The following CACNG2 variants were observed in gnomAD, a reference collection of about 807,000 sequenced individuals.
CACNG2 encodes the protein voltage-dependent calcium channel gamma-2 subunit.
In CACNG2, 3 loss-of-function variants were observed where a neutral mutation model predicts 25.9. The ratio of observed to expected loss-of-function variants is 0.12; its 90% CI spans 0.05 to 0.30. The LOEUF is 0.30. CACNG2 is among the 10% of genes least tolerant of loss of function. The pLI, the probability that CACNG2 is intolerant of heterozygous loss-of-function variation, is 1.00. For missense variants in CACNG2, 341 were observed against 432.5 expected, an observed-to-expected ratio of 0.79 and a Z score of 1.88; for synonymous variants, 167 against 173.3, an observed-to-expected ratio of 0.96 and a Z score of 0.29.
intron 1 of CACNG2, among the ~76,000 whole-genome samples, chr22:36,660,665 G>T (rs1270731165): frequency 6.6e-6 from 1 of 152,228 alleles, no homozygotes; most frequent in Non-Finnish European, 1.5e-5. Context: ...GGGGCAGCGT[G>T]TGCGCTTGGC....
chr22:36,579,201 T>C (rs1935372895), intron 2 of CACNG2, among the ~76,000 whole-genome samples: 1 of 152,014 alleles, frequency 6.6e-6, no homozygotes, highest in Non-Finnish European at 1.5e-5. Context: ...GGTCAGGAGT[T>C]TGAGACCAGC....
chr22:36,576,327 G>C (rs1221155204), intron 2 of CACNG2, among the ~76,000 whole-genome samples: 1 of 152,166 alleles, frequency 6.6e-6, no homozygotes, highest in South Asian at 2.1e-4. Flanking sequence ...GCTAACCTAC[G>C]AGGATGCAAA....
At chr22:36,688,380 T>TA (rs200203179) in intron 1 of CACNG2, among the ~76,000 whole-genome samples, 133 of 148,038 alleles carry the variant, frequency 9.0e-4, no homozygotes, top group East Asian at 6.3e-3. Flanking sequence ...TCCCATCTCT[T>TA]AAAAAAAAAA....
chr22:36,562,008 T>G lies in CACNG2; in HGVS notation c.*2343A>C, dbSNP rs1468952381. ...GGGGAAGCCCTGGTGGCAGAGCTCT[T>G]CTCCCAAGGAAGCCTCTTTAACTCT... On this transcript the variant is annotated 3_prime_UTR_variant, in exon 4 of 4. Coordinates refer to ENST00000300105, the MANE Select transcript of CACNG2 (RefSeq NM_006078.5). 1.3e-5 allele frequency: 2 copies of G among 152,178 alleles called. No individual in the cohort carries two copies. The highest frequency in any genetic ancestry group is 2.9e-5 in the Non-Finnish European group (2 of 68,070). 9.4% of individuals were successfully genotyped at this position (152,178 alleles called of 1,614,324 possible).
chr22:36,644,902 G>A (rs568094977), intron 1 of CACNG2, among the ~76,000 whole-genome samples: 11 of 152,084 alleles, frequency 7.2e-5, no homozygotes, highest in Non-Finnish European at 1.0e-4. Flanking sequence ...ACCTGGCAGA[G>A]TTACTTCATG....
chr22:36,675,908 C>G (rs1304966035), intron 1 of CACNG2, among the ~76,000 whole-genome samples: 1 of 152,232 alleles, frequency 6.6e-6, no homozygotes. Context: ...ACAGGCTCCA[C>G]CATGACAGCC....
At chr22:36,613,156 C>CTGTG (rs61572491) in intron 1 of CACNG2, among the ~76,000 whole-genome samples, 59 of 146,220 alleles carry the variant, frequency 4.0e-4, no homozygotes, top group Non-Finnish European at 5.6e-4. Context: ...TACAGGCTCT[C>CTGTG]TGTGTGTGTG....
chr22:36,617,178 G>A (rs574764630), intron 1 of CACNG2, among the ~76,000 whole-genome samples: 2 of 152,324 alleles, frequency 1.3e-5, no homozygotes, highest in South Asian at 2.1e-4. Flanking sequence ...ATTTCTCCAT[G>A]TTCCAGTCTT....
chr22:36,683,295 G>T (rs565177643), intron 1 of CACNG2, among the ~76,000 whole-genome samples: 1 of 152,320 alleles, frequency 6.6e-6, no homozygotes, highest in South Asian at 2.1e-4. Context: ...CTGGATCTCT[G>T]AAATAAACAC....
In CACNG2 at chr22:36,587,511, G is replaced by C; in HGVS notation, c.249C>G (p.Phe83Leu). Residue 83 changes from phenylalanine (F) to leucine (L), a missense_variant, in exon 2 of 4, where the codon TTC becomes TTG. Transcript: ENST00000300105. ...CAGCTTCGTAATCTGCATCCTCTGG[G>C]AAGTGATCAATTTGCTTGCACAGAC... The part of the protein sequence containing the change: ...FKGLCKQIDH[F>L]PEDADYEADT... The C allele has an allele frequency of 6.2e-7, 1 of 1,613,754 alleles. No homozygotes were observed. The highest frequency in any genetic ancestry group is 8.5e-7 in the Non-Finnish European group (1 of 1,179,622).
At chr22:36,695,394 A>G (rs1937324783) in intron 1 of CACNG2, among the ~76,000 whole-genome samples, 1 of 152,036 alleles carries the variant, frequency 6.6e-6, no homozygotes. Context: ...ACATAACAGA[A>G]CAGTACCCTT....
intron 2 of CACNG2, among the ~76,000 whole-genome samples, chr22:36,575,530 G>T (rs1935298396): frequency 6.6e-6 from 1 of 152,062 alleles, no homozygotes; most frequent in African/African-American, 2.4e-5. Context: ...GGTCAGTGGG[G>T]GTGGGGATGT....
At chr22:36,672,061 C>A (rs118014571) in intron 1 of CACNG2, among the ~76,000 whole-genome samples, 2 of 152,234 alleles carry the variant, frequency 1.3e-5, no homozygotes, top group East Asian at 3.9e-4. Context: ...CTCAGACCCA[C>A]GGCAAGAGGT....
chr22:36,568,737 T>G (rs1935173283), intron 2 of CACNG2, among the ~76,000 whole-genome samples: 1 of 152,182 alleles, frequency 6.6e-6, no homozygotes, highest in Non-Finnish European at 1.5e-5. Context: ...GTGAAAACTC[T>G]TCTTCTGTCC....
At chr22:36,655,930 C>T (rs1473398553) in intron 1 of CACNG2, among the ~76,000 whole-genome samples, 1 of 151,962 alleles carries the variant, frequency 6.6e-6, no homozygotes, top group Non-Finnish European at 1.5e-5. Context: ...GCCTCAGCCT[C>T]CTGAGTAGCT....
intron 2 of CACNG2, among the ~76,000 whole-genome samples, chr22:36,580,210 C>A (rs771256194): frequency 6.6e-6 from 1 of 152,148 alleles, no homozygotes; most frequent in African/African-American, 2.4e-5. Flanking sequence ...TTTGAAGCCC[C>A]GAGTGTGCCA....
intron 1 of CACNG2, among the ~76,000 whole-genome samples, chr22:36,701,326 G>A (rs553557910): frequency 6.6e-6 from 1 of 152,224 alleles, no homozygotes; most frequent in East Asian, 1.9e-4. Flanking sequence ...AAAGTCTGTT[G>A]CCAAATGCAG....
intron 1 of CACNG2, among the ~76,000 whole-genome samples, chr22:36,689,664 A>C (rs1937244162): frequency 6.6e-6 from 1 of 152,240 alleles, no homozygotes; most frequent in Non-Finnish European, 1.5e-5. Context: ...CCAAGGTAGA[A>C]ATGAGAAGTA....
Position 36,564,641 on chromosome 22 carries a change from T to C in CACNG2, c.682A>G (p.Ser228Gly). 1.2e-6 allele frequency: 2 copies of C among 1,613,822 alleles called. No individual in the cohort carries two copies. The highest frequency in any genetic ancestry group is 1.7e-6 in the Non-Finnish European group (2 of 1,179,944). The change falls in exon 4 of 4, where the codon AGC (serine) becomes GGC (glycine). Residue 228 changes from serine (S) to glycine (G), a missense_variant. By Grantham distance (56) the Ser-to-Gly change is moderately conservative. Transcript: ENST00000300105. The surrounding 1 kb of genome is among the most constrained non-coding windows in gnomAD (Gnocchi z 6.7). ...CGGCGCTGGTAGCGGTAGCGGTAGC[T>C]GGGGATGCGGGTGATGGCAGAGGCC... is the stretch of plus-strand genomic sequence containing the variant. ...LQASAITRIP[S>G]YRYRYQRRSR...
Sources: allele counts gnomAD v4.1 joint callset (sites outside exome capture counted in the v4.1 genomes callset), GRCh38; gene constraint gnomAD v4.1.1; non-coding constraint Gnocchi (gnomAD v3.1); transcripts MANE v1.5; gene names NCBI Gene and HGNC (gene_info 2026-07-23, HGNC 2026-07-21).